Variants in MAP3K19 observed in about 807,000 individuals in gnomAD.
MAP3K19 encodes the protein SPS1/STE20-related protein kinase YSK4.
Under a neutral mutation model 114.4 loss-of-function variants are expected in MAP3K19, and 91 were observed. The ratio of observed to expected loss-of-function variants is 0.80; its 90% CI spans 0.67 to 0.95. The LOEUF (loss-of-function observed/expected upper bound fraction) is 0.95. Ranked by LOEUF, MAP3K19 falls within the 40% of genes least tolerant of loss-of-function variation. The probability of loss-of-function intolerance (pLI) is 0.00; values close to 1 mark genes in which losing one functional copy is unlikely to be tolerated. For missense variants in MAP3K19, 1,471 were observed against 1,573.2 expected (o/e 0.94, Z 1.10); for synonymous variants, 518 against 530.5 (o/e 0.98, Z 0.32).
chr2:135,023,501 G>A (rs753518996), intron 4 of MAP3K19: 4 of 533,306 alleles, frequency 7.5e-6, no homozygotes, highest in Non-Finnish European at 1.5e-5. Context: ...ACAGAAACTT[G>A]CTACTTGAAA....
intron 12 of MAP3K19, among the ~76,000 whole-genome samples, chr2:134,979,828 G>T (rs1684502571): frequency 1.3e-5 from 2 of 152,040 alleles, no homozygotes; most frequent in African/African-American, 2.4e-5. Flanking sequence ...TGATACACAT[G>T]TGCTGGGAGA....
chr2:135,025,913 CAA>C (rs1168751036), intron 3 of MAP3K19, among the ~76,000 whole-genome samples: 1 of 152,160 alleles, frequency 6.6e-6, no homozygotes. Flanking sequence ...GTGAGGGAAA[CAA>C]TGATGAAACT....
rs1187957592 is a variant in MAP3K19, at chr2:134,997,817, C to CAAAAAAAAAAAAAAAAAAAAAAA, written c.574+920_574+921insTTTTTTTTTTTTTTTTTTTTTTT. On this transcript the variant is annotated intron_variant, in intron 8 of 12. Coordinates refer to ENST00000392915, the MANE Select transcript of MAP3K19 (RefSeq NM_025052.5). Reference sequence around the variant, plus strand: ...CTGGTGACAGAGCGAGACTCCGTCTCAAAAAAAAAAAAACTTTAAGCACTG... The same window carrying CAAAAAAAAAAAAAAAAAAAAAAA: ...CTGGTGACAGAGCGAGACTCCGTCTCAAAAAAAAAAAAAAAAAAAAAAAAAAAAAAAAAAAACTTTAAGCACTG... Among the ~76,000 whole-genome samples, 41 of 90,980 alleles carry CAAAAAAAAAAAAAAAAAAAAAAA rather than the reference C, an allele frequency of 4.5e-4. 4 individuals are homozygous for CAAAAAAAAAAAAAAAAAAAAAAA. The highest frequency in any genetic ancestry group is 1.2e-3 in the African/African-American group (29 of 24,610). 59.7% of individuals were successfully genotyped at this position (90,980 alleles called of 152,430 possible).
chr2:134,991,509 A>G, intron 9 of MAP3K19, 28 bp downstream of exon 9: 3 of 1,604,078 alleles, frequency 1.9e-6, no homozygotes, highest in Non-Finnish European at 2.6e-6. Flanking sequence ...TTTAATTCTC[A>G]AGTCAAAAAT....
At chr2:135,038,614 G>C (rs1310684090) in intron 2 of MAP3K19, among the ~76,000 whole-genome samples, 1 of 152,036 alleles carries the variant, frequency 6.6e-6, no homozygotes, top group Admixed American at 6.6e-5. Context: ...AGCACTTTGG[G>C]TGGCCAAGGT....
chr2:135,027,658 T>G (rs1688292050), intron 3 of MAP3K19, among the ~76,000 whole-genome samples: 1 of 152,232 alleles, frequency 6.6e-6, no homozygotes, highest in South Asian at 2.1e-4. Flanking sequence ...CATGTTGGTT[T>G]GGGAAATTTA....
At chr2:135,007,594 C>A (rs1190393746) in intron 5 of MAP3K19, among the ~76,000 whole-genome samples, 1 of 149,794 alleles carries the variant, frequency 6.7e-6, no homozygotes, top group Non-Finnish European at 1.5e-5. Context: ...TTTTTTTGTA[C>A]CCATTAACCA....
chr2:135,001,841 C>G (rs1415357813), intron 6 of MAP3K19, among the ~76,000 whole-genome samples: 2 of 152,200 alleles, frequency 1.3e-5, no homozygotes, highest in African/African-American at 4.8e-5. Context: ...CATCAGCTGA[C>G]TTCTTTTTCA....
intron 5 of MAP3K19, among the ~76,000 whole-genome samples, chr2:135,010,516 G>T (rs1461610054): frequency 1.3e-5 from 2 of 152,186 alleles, no homozygotes; most frequent in Non-Finnish European, 2.9e-5. Context: ...AACACCACGG[G>T]AGCTGATAGA....
chr2:135,031,158 TAA>T (rs58623364), intron 2 of MAP3K19, among the ~76,000 whole-genome samples: 260 of 134,968 alleles, frequency 1.9e-3, no homozygotes, highest in African/African-American at 5.7e-3. Flanking sequence ...GAGACATATT[TAA>T]AAAAAAAAAA....
At chr2:135,015,803 G>A (rs1011818275) in intron 5 of MAP3K19, among the ~76,000 whole-genome samples, 7 of 151,772 alleles carry the variant, frequency 4.6e-5, no homozygotes, top group Non-Finnish European at 8.8e-5. Flanking sequence ...GGAGGCAGGA[G>A]AATCCCTTGA....
At chr2:135,038,659 C>G (rs1293432629) in intron 2 of MAP3K19, among the ~76,000 whole-genome samples, 1 of 151,928 alleles carries the variant, frequency 6.6e-6, no homozygotes, top group Non-Finnish European at 1.5e-5. Flanking sequence ...GAGCTTGGGA[C>G]CAGCCTGGGC....
At chr2:134,968,827 G>A (rs1683633978) in intron 12 of MAP3K19, among the ~76,000 whole-genome samples, 1 of 151,724 alleles carries the variant, frequency 6.6e-6, no homozygotes, top group Non-Finnish European at 1.5e-5. Context: ...CTTCCTAGAT[G>A]GGATGGCGGC....
intron 12 of MAP3K19, among the ~76,000 whole-genome samples, chr2:134,966,320 A>T (rs1054541120): frequency 9.2e-5 from 14 of 152,006 alleles, no homozygotes; most frequent in African/African-American, 3.4e-4. Context: ...AAATCTCCAT[A>T]CTGTTTTCCA....
intron 9 of MAP3K19, among the ~76,000 whole-genome samples, chr2:134,989,959 G>A (rs1259640630): frequency 6.6e-6 from 1 of 151,976 alleles, no homozygotes; most frequent in African/African-American, 2.4e-5. Context: ...GCAGGTGCCT[G>A]TAATCCCAGC....
intron 5 of MAP3K19, 63 bp from the exon 6 acceptor site, chr2:135,005,594 A>G: frequency 7.8e-7 from 1 of 1,289,960 alleles, no homozygotes; most frequent in Non-Finnish European, 1.1e-6. Flanking sequence ...TTGTTGGCAG[A>G]GTGAATGTTG....
chr2:135,038,748 C>G (rs1688584103), intron 2 of MAP3K19, among the ~76,000 whole-genome samples: 2 of 151,798 alleles, frequency 1.3e-5, no homozygotes, highest in South Asian at 4.2e-4. Context: ...ATCCCAACTA[C>G]TTGGGAGACT....
intron 2 of MAP3K19, among the ~76,000 whole-genome samples, chr2:135,033,429 T>C (rs1391800899): frequency 4.6e-5 from 4 of 87,500 alleles, no homozygotes; most frequent in African/African-American, 6.3e-5. Context: ...GGATCCTCAC[T>C]TCCCAGTAGG....
intron 12 of MAP3K19, among the ~76,000 whole-genome samples, chr2:134,965,292 CTTACA>C (rs1353453097): frequency 6.6e-6 from 1 of 151,454 alleles, no homozygotes. Flanking sequence ...AAAATTCACA[CTTACA>C]TTTACTTTTA....
Sources: gnomAD v4.1 joint callset for allele counts (sites outside exome capture counted in the v4.1 genomes callset) on GRCh38, gnomAD v4.1.1 for gene constraint, MANE v1.5 for transcripts, NCBI Gene and HGNC (gene_info 2026-07-23, HGNC 2026-07-21) for gene names.